The following DPP10 variants were observed in gnomAD, a reference collection of about 807,000 sequenced individuals.
DPP10 encodes the protein dipeptidyl peptidase like 10, also known as inactive dipeptidyl peptidase 10.
Under a neutral mutation model 120.9 loss-of-function variants are expected in DPP10, and 33 were observed. That is an observed-to-expected ratio of 0.27 (90% CI 0.21 to 0.37). The LOEUF is 0.37. Ranked by LOEUF, DPP10 falls within the 10% of genes least tolerant of loss-of-function variation. DPP10 has a pLI of 1.00. For missense variants in DPP10, 816 were observed against 942.8 expected, an observed-to-expected ratio of 0.87 and a Z score of 1.76; for synonymous variants, 337 against 326.1, an observed-to-expected ratio of 1.03 and a Z score of -0.36.
chr2:115,130,990 C>T (rs1191177111), intron 1 of DPP10: 2 of 152,178 alleles, frequency 1.3e-5, no homozygotes, highest in Non-Finnish European at 2.9e-5. Flanking sequence ...CCACAGAGTT[C>T]TTCCTAATCA....
intron 5 of DPP10, among the ~76,000 whole-genome samples, chr2:115,593,048 T>C (rs2149182720): frequency 6.6e-6 from 1 of 152,308 alleles, no homozygotes; most frequent in Admixed American, 6.5e-5. Context: ...GGGTCGTTAG[T>C]TAGAGATAGC....
chr2:114,493,778 T>A (rs987247711), intron 1 of DPP10, among the ~76,000 whole-genome samples: 1 of 152,098 alleles, frequency 6.6e-6, no homozygotes, highest in African/African-American at 2.4e-5. Context: ...AATGGAAGAT[T>A]GTTCTGCAAG....
chr2:114,940,749 C>G (rs1696835896), intron 1 of DPP10, among the ~76,000 whole-genome samples: 1 of 152,104 alleles, frequency 6.6e-6, no homozygotes, highest in African/African-American at 2.4e-5. Flanking sequence ...ATAAACTGTA[C>G]TGCCGAGAAA....
chr2:115,160,999 A>T (rs1439254498), intron 1 of DPP10: 1 of 152,384 alleles, frequency 6.6e-6, no homozygotes, highest in African/African-American at 2.4e-5. Context: ...GGGAGGACTT[A>T]AGATTTGAAG....
intron 1 of DPP10, among the ~76,000 whole-genome samples, chr2:115,054,903 C>T (rs1705782022): frequency 6.6e-6 from 1 of 152,180 alleles, no homozygotes; most frequent in African/African-American, 2.4e-5. Flanking sequence ...CAGAGCAAGA[C>T]TCTGTCTCAA....
intron 1 of DPP10, among the ~76,000 whole-genome samples, chr2:115,111,457 C>T (rs910772124): frequency 6.6e-6 from 1 of 152,082 alleles, no homozygotes; most frequent in Non-Finnish European, 1.5e-5. Context: ...GTGGAACACT[C>T]ATAACAAAGG....
intron 3 of DPP10, among the ~76,000 whole-genome samples, chr2:115,489,352 C>G (rs1355147801): frequency 1.3e-5 from 2 of 151,826 alleles, no homozygotes; most frequent in African/African-American, 4.8e-5. Context: ...ACAGACCAAA[C>G]AGACTCTCTC....
intron 1 of DPP10, among the ~76,000 whole-genome samples, chr2:114,555,657 C>T (rs1231613025): frequency 6.6e-6 from 1 of 152,068 alleles, no homozygotes; most frequent in Non-Finnish European, 1.5e-5. Flanking sequence ...CACAGGGAGC[C>T]TTCTTTCAGC....
chr2:115,084,232 A>G (rs1192700081), intron 1 of DPP10, among the ~76,000 whole-genome samples: 4 of 152,218 alleles, frequency 2.6e-5, no homozygotes, highest in African/African-American at 9.6e-5. Flanking sequence ...ATCATTTAGC[A>G]CAGTACGTGA....
chr2:114,719,239 T>G (rs1307339463), intron 1 of DPP10, among the ~76,000 whole-genome samples: 1 of 152,180 alleles, frequency 6.6e-6, no homozygotes, highest in Admixed American at 6.5e-5. Flanking sequence ...AGTACAAGAT[T>G]GTTAAATCTA....
At chr2:115,153,517 G>A (rs745536724) in intron 1 of DPP10, among the ~76,000 whole-genome samples, 91 of 152,202 alleles carry the variant, frequency 6.0e-4, no homozygotes, top group Non-Finnish European at 1.2e-3. Flanking sequence ...CACCCACACT[G>A]TGTGGCTTTT....
intron 3 of DPP10, among the ~76,000 whole-genome samples, chr2:115,349,090 T>C (rs2063860914): frequency 6.6e-6 from 1 of 152,130 alleles, no homozygotes; most frequent in Admixed American, 6.6e-5. Flanking sequence ...AGTGTATATG[T>C]AATGGGATAG....
chr2:115,697,690 A>G (rs2091666437), intron 7 of DPP10, among the ~76,000 whole-genome samples: 1 of 152,122 alleles, frequency 6.6e-6, no homozygotes, highest in Non-Finnish European at 1.5e-5. Flanking sequence ...TAGAGGATTT[A>G]AAAAACACAG....
At chr2:115,038,700 A>C (rs1316267283) in intron 1 of DPP10, among the ~76,000 whole-genome samples, 3 of 152,196 alleles carry the variant, frequency 2.0e-5, no homozygotes, top group Non-Finnish European at 4.4e-5. Flanking sequence ...TAATTGTCAC[A>C]TAAGTTACTG....
chr2:114,599,227 AT>A (rs986836573), intron 1 of DPP10, among the ~76,000 whole-genome samples: 2 of 151,796 alleles, frequency 1.3e-5, no homozygotes, highest in Non-Finnish European at 2.9e-5. Context: ...TAGGTTTGTA[AT>A]TTTTTCCCTT....
chr2:114,922,748 T>C (rs1323640618), intron 1 of DPP10, among the ~76,000 whole-genome samples: 1 of 152,202 alleles, frequency 6.6e-6, no homozygotes, highest in Non-Finnish European at 1.5e-5. Context: ...TGATGAACAA[T>C]ATTATATTTT....
chr2:114,468,322 C>T (rs142580852), intron 1 of DPP10, among the ~76,000 whole-genome samples: 254 of 140,662 alleles, frequency 1.8e-3, no homozygotes, highest in African/African-American at 6.2e-3. Flanking sequence ...TTCCTGGCAT[C>T]AGCTAACTGG....
At chr2:115,443,935 G>A (rs1196362859) in intron 3 of DPP10, among the ~76,000 whole-genome samples, 1 of 152,158 alleles carries the variant, frequency 6.6e-6, no homozygotes, top group Non-Finnish European at 1.5e-5. Flanking sequence ...GATGCCAGTA[G>A]CATCCCCCAG....
intron 1 of DPP10, among the ~76,000 whole-genome samples, chr2:114,845,185 G>A (rs1688447545): frequency 6.6e-6 from 1 of 152,052 alleles, no homozygotes; most frequent in African/African-American, 2.4e-5. Flanking sequence ...CAACCAACAT[G>A]CATTGGACTC....
Sources: gnomAD v4.1 joint callset for allele counts (sites outside exome capture counted in the v4.1 genomes callset) on GRCh38, gnomAD v4.1.1 for gene constraint, MANE v1.5 for transcripts, NCBI Gene and HGNC (gene_info 2026-07-23, HGNC 2026-07-21) for gene names.